IMMP2L: variants seen among roughly 807,000 people sequenced by gnomAD.
IMMP2L encodes inner mitochondrial membrane peptidase subunit 2, also known as mitochondrial inner membrane protease subunit 2.
Under a neutral mutation model 19.3 loss-of-function variants are expected in IMMP2L, and 18 were observed. The observed-to-expected ratio is 0.93, with a 90% CI of 0.64 to 1.38. The LOEUF is 1.38. Ranked by LOEUF, IMMP2L falls within the 40% of genes most tolerant of loss-of-function variation. The pLI, the probability that IMMP2L is intolerant of heterozygous loss-of-function variation, is 0.00. For missense variants in IMMP2L, 233 were observed against 218.2 expected (o/e 1.07, Z -0.43); for synonymous variants, 76 against 73.0 (o/e 1.04, Z -0.21).
intron 4 of IMMP2L, among the ~76,000 whole-genome samples, chr7:110,903,380 A>T (rs1259281836): frequency 6.6e-6 from 1 of 152,118 alleles, no homozygotes; most frequent in African/African-American, 2.4e-5. Flanking sequence ...TGCTTATCTG[A>T]AACTTTATGC....
chr7:111,081,077 AT>A (rs1795849556), intron 3 of IMMP2L, among the ~76,000 whole-genome samples: 1 of 152,230 alleles, frequency 6.6e-6, no homozygotes. Context: ...GTACTTTCAC[AT>A]GAATAAACTT....
chr7:111,164,311 G>C (rs1232703596), intron 3 of IMMP2L, among the ~76,000 whole-genome samples: 1 of 152,042 alleles, frequency 6.6e-6, no homozygotes, highest in African/African-American at 2.4e-5. Context: ...AGAGCTCTGG[G>C]AAATCAAAAA....
At chr7:110,955,582 C>T (rs1466649888) in intron 4 of IMMP2L, among the ~76,000 whole-genome samples, 1 of 151,788 alleles carries the variant, frequency 6.6e-6, no homozygotes, top group East Asian at 1.9e-4. Flanking sequence ...CAAATTAAAC[C>T]AGGCTAAAGG....
chr7:111,122,880 A>G, intron 3 of IMMP2L: 1 of 1,614,050 alleles, frequency 6.2e-7, no homozygotes, highest in South Asian at 1.1e-5. Context: ...GTACGTGTGA[A>G]ATCAGGCCTT....
Position 111,123,110 on chromosome 7 carries a change from A to G in IMMP2L, c.240-159545T>C. ...TCTTCAGTCACCAATATTAATGTAA[A>G]AAAGATGCCTCAGCTCCTTTCTGTG... On this transcript the variant is annotated intron_variant, in intron 3 of 5. Transcript: ENST00000405709. This position sits in a 1 kb window ranked among gnomAD's most constrained non-coding sequence, Gnocchi z 6.4. 6.2e-7 allele frequency: 1 copy of G among 1,613,716 alleles called. No individual in the cohort carries two copies. The highest frequency in any genetic ancestry group is 8.5e-7 in the Non-Finnish European group (1 of 1,179,844).
chr7:111,181,518 G>C (rs547438165), intron 3 of IMMP2L, among the ~76,000 whole-genome samples: 48 of 152,034 alleles, frequency 3.2e-4, no homozygotes, highest in African/African-American at 1.1e-3. Context: ...CAGCTTGATG[G>C]AGAAGCTCTG....
At chr7:110,853,936 AAC>A (rs1806493989) in intron 5 of IMMP2L, among the ~76,000 whole-genome samples, 1 of 151,996 alleles carries the variant, frequency 6.6e-6, no homozygotes, top group African/African-American at 2.4e-5. Flanking sequence ...GGACATGATA[AAC>A]ACACAATCTA....
At chr7:111,428,239 C>T (rs1220202573) in intron 3 of IMMP2L, among the ~76,000 whole-genome samples, 1 of 151,696 alleles carries the variant, frequency 6.6e-6, no homozygotes, top group Non-Finnish European at 1.5e-5. Context: ...AAATAAGTCA[C>T]TCTGTCTTCT....
chr7:111,149,604 T>C (rs1299237019), intron 3 of IMMP2L, among the ~76,000 whole-genome samples: 1 of 152,166 alleles, frequency 6.6e-6, no homozygotes, highest in Non-Finnish European at 1.5e-5. Flanking sequence ...GCTAGACTAA[T>C]TGGTTCATCT....
At chr7:111,457,352 TA>T (rs1333711783) in intron 3 of IMMP2L, among the ~76,000 whole-genome samples, 3 of 148,168 alleles carry the variant, frequency 2.0e-5, no homozygotes, top group African/African-American at 7.5e-5. Flanking sequence ...AAGAAAACTA[TA>T]AAAACCTGTC....
chr7:111,524,454 T>A (rs1267451785), intron 1 of IMMP2L, among the ~76,000 whole-genome samples: 4 of 152,000 alleles, frequency 2.6e-5, no homozygotes, highest in African/African-American at 9.7e-5. Flanking sequence ...TCTACACTTA[T>A]GTTTAAGTCA....
intron 5 of IMMP2L, among the ~76,000 whole-genome samples, chr7:110,781,104 T>C (rs144479412): frequency 6.6e-6 from 1 of 151,984 alleles, no homozygotes; most frequent in African/African-American, 2.4e-5. Flanking sequence ...AATTTGTAGA[T>C]CACTGAAAAG....
chr7:111,417,616 G>A (rs372055379), intron 3 of IMMP2L, among the ~76,000 whole-genome samples: 2 of 151,746 alleles, frequency 1.3e-5, no homozygotes, highest in Non-Finnish European at 2.9e-5. Flanking sequence ...CCATGGCAAC[G>A]AGAACTAAAG....
chr7:110,909,695 A>G (rs970191359), intron 4 of IMMP2L, among the ~76,000 whole-genome samples: 5 of 152,064 alleles, frequency 3.3e-5, no homozygotes, highest in African/African-American at 1.2e-4. Context: ...TCTTGAGTTG[A>G]GCACCTCCCT....
chr7:111,476,286 T>C lies in IMMP2L; in HGVS notation c.239+10952A>G, dbSNP rs141758631. Among the ~76,000 whole-genome samples, 126 of 152,266 alleles carry C rather than the reference T, an allele frequency of 8.3e-4. 1 individual carries two copies. The Middle Eastern group carries it at 0.01, about 12-fold the overall frequency. On this transcript the variant is annotated intron_variant, in intron 3 of 5. Coordinates refer to ENST00000405709, the MANE Select transcript of IMMP2L (RefSeq NM_032549.4). The stretch of plus-strand genomic sequence containing the variant: ...GCAAATAGAGGCTTTCAGATTTGTT[T>C]CACAGAAAAGAAAATAATACTTTTT...
intron 3 of IMMP2L, among the ~76,000 whole-genome samples, chr7:111,112,093 G>A (rs113140676): frequency 0.026 from 3,871 of 151,200 alleles, 159 homozygotes; most frequent in African/African-American, 0.087. Context: ...GTTTACAGGC[G>A]CATGCCACCA....
At chr7:111,282,583 T>C (rs908060859) in intron 3 of IMMP2L, among the ~76,000 whole-genome samples, 3 of 152,096 alleles carry the variant, frequency 2.0e-5, no homozygotes, top group African/African-American at 7.2e-5. Flanking sequence ...TAACTCTTTT[T>C]TTGATTTTTT....
At chr7:111,317,664 G>A (rs1824253633) in intron 3 of IMMP2L, among the ~76,000 whole-genome samples, 1 of 152,080 alleles carries the variant, frequency 6.6e-6, no homozygotes, top group Non-Finnish European at 1.5e-5. Flanking sequence ...ATAAACCCAA[G>A]GAGACCATTA....
chr7:111,486,678 T>G (rs932803442), intron 3 of IMMP2L, among the ~76,000 whole-genome samples: 1 of 152,188 alleles, frequency 6.6e-6, no homozygotes, highest in Admixed American at 6.5e-5. Flanking sequence ...CACTTTGACA[T>G]TCCTTTTCTA....
Sources: gnomAD v4.1 joint callset for allele counts (sites outside exome capture counted in the v4.1 genomes callset) on GRCh38, gnomAD v4.1.1 for gene constraint, Gnocchi (gnomAD v3.1) non-coding constraint, MANE v1.5 for transcripts, NCBI Gene and HGNC (gene_info 2026-07-23, HGNC 2026-07-21) for gene names.